NDC1: variants seen among roughly 807,000 people sequenced by gnomAD.
NDC1 encodes the protein nucleoporin NDC1.
NDC1 carries 24 observed loss-of-function variants against 89.8 expected under a neutral mutation model. That is an observed-to-expected ratio of 0.27 (90% CI 0.19 to 0.38). The LOEUF (loss-of-function observed/expected upper bound fraction) is 0.38, where lower values mean the gene tolerates loss of function less well. Among genes scored for constraint, NDC1 ranks in the 10% least tolerant of loss-of-function variants. The probability of loss-of-function intolerance (pLI) is 1.00; values close to 1 mark genes in which losing one functional copy is unlikely to be tolerated. For missense variants in NDC1, 728 were observed against 797.6 expected (o/e 0.91, Z 1.05); for synonymous variants, 296 against 284.8 (o/e 1.04, Z -0.39).
At chr1:53,773,830 T>A (rs1393762252) in intron 16 of NDC1, among the ~76,000 whole-genome samples, 1 of 152,180 alleles carries the variant, frequency 6.6e-6, no homozygotes, top group African/African-American at 2.4e-5. Flanking sequence ...TCCCCCAGAC[T>A]GGGTGTTCTA....
chr1:53,800,558 C>A, intron 11 of NDC1, 135 bp downstream of exon 11: 1 of 826,652 alleles, frequency 1.2e-6, no homozygotes, highest in Non-Finnish European at 1.9e-6. Flanking sequence ...ATCTCTTGAC[C>A]TCATGATCCG....
At chr1:53,830,493 G>C (rs910082847) in intron 3 of NDC1, among the ~76,000 whole-genome samples, 1 of 151,996 alleles carries the variant, frequency 6.6e-6, no homozygotes, top group Non-Finnish European at 1.5e-5. Flanking sequence ...AAAAGGATAC[G>C]TATTGTAACA....
chr1:53,823,067 C>T (rs2100684643), intron 5 of NDC1, among the ~76,000 whole-genome samples: 1 of 152,232 alleles, frequency 6.6e-6, no homozygotes, highest in African/African-American at 2.4e-5. Context: ...GGAGGCAAAC[C>T]TACCCTGCCA....
chr1:53,816,202 T>C (rs774428185), intron 6 of NDC1, among the ~76,000 whole-genome samples: 6 of 152,138 alleles, frequency 3.9e-5, no homozygotes, highest in Non-Finnish European at 5.9e-5. Flanking sequence ...CAAACTATAC[T>C]ATAAAGCCAT....
At chr1:53,789,244 C>G in intron 14 of NDC1, 48 bp from the exon 15 acceptor site, 1 of 1,221,820 alleles carries the variant, frequency 8.2e-7, no homozygotes, top group Non-Finnish European at 1.2e-6. Context: ...TGAGCAAAAA[C>G]TCCATTATTT....
intron 13 of NDC1, 119 bp downstream of exon 13, chr1:53,796,570 A>G: frequency 1.6e-6 from 1 of 611,512 alleles, no homozygotes; most frequent in Non-Finnish European, 2.7e-6. Context: ...TTGAGTCAAT[A>G]CACGAAGCAT....
At chr1:53,793,675 T>C (rs1358180586) in intron 13 of NDC1, among the ~76,000 whole-genome samples, 1 of 152,132 alleles carries the variant, frequency 6.6e-6, no homozygotes, top group Non-Finnish European at 1.5e-5. Flanking sequence ...TACTGCCACC[T>C]CAAATTTCTG....
chr1:53,835,375 G>T, intron 2 of NDC1, 125 bp downstream of exon 2: 2 of 612,020 alleles, frequency 3.3e-6, no homozygotes, highest in Non-Finnish European at 5.4e-6. Context: ...TTATCTCAAA[G>T]TGAATGTTTT....
At chr1:53,769,189 T>A (rs893289876) in intron 17 of NDC1, among the ~76,000 whole-genome samples, 1 of 152,070 alleles carries the variant, frequency 6.6e-6, no homozygotes, top group Non-Finnish European at 1.5e-5. Context: ...CTCAAAAAAA[T>A]TTTTTTGATA....
chr1:53,809,751 AG>A lies in NDC1; in HGVS notation c.704-6del. 1 of 1,611,592 alleles carries A rather than the reference AG, an allele frequency of 6.2e-7. No individual in the cohort carries two copies. The highest frequency in any genetic ancestry group is 8.5e-7 in the Non-Finnish European group (1 of 1,177,902). Reference sequence around the variant, plus strand: ...TCCAAGCTTTGGGAATATAGCCTGAAGGGAAAAAATACCAAGCTATGAACAT... The same window carrying A: ...TCCAAGCTTTGGGAATATAGCCTGAAGGAAAAAATACCAAGCTATGAACAT... On this transcript the variant is annotated splice_polypyrimidine_tract_variant and splice_region_variant and intron_variant, in intron 6 of 17. Coordinates refer to ENST00000371429, the MANE Select transcript of NDC1 (RefSeq NM_018087.5).
intron 6 of NDC1, among the ~76,000 whole-genome samples, chr1:53,816,794 A>C (rs1648496687): frequency 6.6e-6 from 1 of 152,256 alleles, no homozygotes; most frequent in Admixed American, 6.5e-5. Flanking sequence ...TCCCATCAAA[A>C]AGTGGGCTAA....
intron 5 of NDC1, among the ~76,000 whole-genome samples, chr1:53,820,701 C>CTTTTTTTTT (rs927514677): frequency 1.3e-5 from 1 of 74,880 alleles, no homozygotes; most frequent in Non-Finnish European, 2.5e-5. Flanking sequence ...ACTTCTCTCT[C>CTTTTTTTTT]TTTTTTTTTT....
chr1:53,801,276 C>T (rs1392600077), intron 10 of NDC1, among the ~76,000 whole-genome samples: 2 of 152,022 alleles, frequency 1.3e-5, no homozygotes, highest in African/African-American at 4.8e-5. Context: ...TCCATGGTCC[C>T]CAGTGACCTC....
intron 17 of NDC1, among the ~76,000 whole-genome samples, chr1:53,768,576 C>A (rs1222583051): frequency 6.6e-6 from 1 of 152,072 alleles, no homozygotes; most frequent in Non-Finnish European, 1.5e-5. Flanking sequence ...CTCACCATCA[C>A]GAAAATATAT....
chr1:53,782,165 G>T (rs1647215829), intron 16 of NDC1, among the ~76,000 whole-genome samples: 1 of 152,196 alleles, frequency 6.6e-6, no homozygotes, highest in South Asian at 2.1e-4. Flanking sequence ...GTCAAGTTAA[G>T]AAAATAAGAT....
At chr1:53,825,460 A>AAAAAAAAAAAAAAAAAAAAGAAG (rs1039370528) in intron 5 of NDC1, among the ~76,000 whole-genome samples, 2 of 142,104 alleles carry the variant, frequency 1.4e-5, no homozygotes, top group African/African-American at 5.2e-5. Flanking sequence ...CTCCAAAAAA[A>AAAAAAAAAAAAAAAAAAAAGAAG]AAGAAGCTAC....
At chr1:53,828,258 C>G in intron 3 of NDC1, 85 bp from the exon 4 acceptor site, 1 of 1,207,024 alleles carries the variant, frequency 8.3e-7, no homozygotes, top group East Asian at 2.5e-5. Flanking sequence ...CATCCTTGCA[C>G]AAATGTTCCA....
chr1:53,778,367 A>C (rs965712855), intron 16 of NDC1, among the ~76,000 whole-genome samples: 6 of 152,200 alleles, frequency 3.9e-5, no homozygotes, highest in African/African-American at 1.4e-4. Flanking sequence ...AAAGGACTAT[A>C]GACCCATATT....
intron 3 of NDC1, among the ~76,000 whole-genome samples, chr1:53,828,871 C>T (rs1648963494): frequency 1.3e-5 from 2 of 152,240 alleles, no homozygotes; most frequent in South Asian, 4.1e-4. Flanking sequence ...CTTGGCCTCC[C>T]AAAGTGTTGG....
Sources: gnomAD v4.1 joint callset for allele counts (sites outside exome capture counted in the v4.1 genomes callset) on GRCh38, gnomAD v4.1.1 for gene constraint, MANE v1.5 for transcripts, NCBI Gene and HGNC (gene_info 2026-07-23, HGNC 2026-07-21) for gene names.